The following WWOX variants were observed in gnomAD, a reference collection of about 807,000 sequenced individuals.
WWOX encodes the protein WW domain-containing oxidoreductase.
WWOX carries 69 observed loss-of-function variants against 46.2 expected under a neutral mutation model. That is an observed-to-expected ratio of 1.49 (90% CI 1.23 to 1.82). WWOX has a LOEUF of 1.82. Ranked by LOEUF, WWOX falls within the 40% of genes most tolerant of loss-of-function variation. The pLI, the probability that WWOX is intolerant of heterozygous loss-of-function variation, is 0.00. For synonymous variants in WWOX, 359 were observed against 202.6 expected (o/e 1.77, Z -6.56); for missense variants, 919 against 542.6 (o/e 1.69, Z -6.89).
chr16:79,106,066 G>A (rs2049302011), intron 8 of WWOX: 1 of 152,190 alleles, frequency 6.6e-6, no homozygotes, highest in Non-Finnish European at 1.5e-5. Context: ...TAAGTTCGAA[G>A]CCAAGTTCCT....
intron 8 of WWOX, among the ~76,000 whole-genome samples, chr16:78,472,625 A>G (rs985113802): frequency 6.6e-6 from 1 of 151,996 alleles, no homozygotes; most frequent in African/African-American, 2.4e-5. Flanking sequence ...CCTGACCAAC[A>G]TGTTGAAACC....
intron 8 of WWOX, among the ~76,000 whole-genome samples, chr16:78,778,979 C>T (rs1031348371): frequency 6.6e-6 from 1 of 152,194 alleles, no homozygotes; most frequent in Non-Finnish European, 1.5e-5. Flanking sequence ...AATGCTGCTT[C>T]TGATCTCCAT....
chr16:79,041,764 A>C (rs766871226), intron 8 of WWOX, among the ~76,000 whole-genome samples: 4 of 152,182 alleles, frequency 2.6e-5, no homozygotes, highest in Non-Finnish European at 2.9e-5. Flanking sequence ...TTAATGCTTT[A>C]CACTTTTGTT....
chr16:78,976,713 C>T lies in WWOX; in HGVS notation c.1057-234895C>T, dbSNP rs560056085. The stretch of plus-strand genomic sequence containing the variant: ...AAATGCCTGAGACCCACCAGGAGCT[C>T]ACCAGATACTACTTCTATCTTCCCC... On this transcript the variant is annotated intron_variant, in intron 8 of 8. Transcript: ENST00000566780. 2.0e-5 allele frequency among the ~76,000 whole-genome samples: 3 copies of T among 152,320 alleles called. No individual in the cohort carries two copies. In the South Asian group the frequency reaches 6.2e-4, roughly 32 times the overall value.
At chr16:78,159,884 A>G (rs964476051) in intron 4 of WWOX, among the ~76,000 whole-genome samples, 3 of 151,812 alleles carry the variant, frequency 2.0e-5, no homozygotes, top group South Asian at 4.2e-4. Context: ...TTATGCTTTT[A>G]TGTGGCATAA....
At chr16:78,471,587 T>A (rs969446593) in intron 8 of WWOX, among the ~76,000 whole-genome samples, 2 of 152,236 alleles carry the variant, frequency 1.3e-5, no homozygotes, top group African/African-American at 2.4e-5. Flanking sequence ...GTTGAATGTC[T>A]TGCCTTTTCT....
rs146540413 is a variant in WWOX at position 78,319,926 on chromosome 16, A to G, written c.517-66934A>G. ...TTCCTGGCGAAATAGTCATCTTTTA[A>G]GTTCTCTGACAACCCCTCTCTGAGC... is the stretch of plus-strand genomic sequence containing the variant. On this transcript the variant is annotated intron_variant, in intron 5 of 8. Transcript: ENST00000566780. Among the ~76,000 whole-genome samples the G allele has an allele frequency of 1.9e-3, 294 of 152,254 alleles. 4 individuals carry two copies. The highest frequency in any genetic ancestry group is 0.014 in the Admixed American group (207 of 15,292).
At chr16:78,670,333 C>A (rs1469269321) in intron 8 of WWOX, among the ~76,000 whole-genome samples, 4 of 152,292 alleles carry the variant, frequency 2.6e-5, no homozygotes, top group East Asian at 3.9e-4. Context: ...GAAGGAAACA[C>A]CTTTCCAAGC....
chr16:78,374,215 G>T (rs1334966494), intron 5 of WWOX, among the ~76,000 whole-genome samples: 2 of 151,910 alleles, frequency 1.3e-5, no homozygotes, highest in African/African-American at 4.8e-5. Flanking sequence ...GTCTTTCTCT[G>T]TTTTCCTCTC....
intron 8 of WWOX, among the ~76,000 whole-genome samples, chr16:78,477,094 G>A (rs2084369422): frequency 1.3e-5 from 2 of 152,134 alleles, no homozygotes; most frequent in Non-Finnish European, 1.5e-5. Flanking sequence ...AAGCATAAGA[G>A]CCCTTGAAAG....
intron 8 of WWOX, among the ~76,000 whole-genome samples, chr16:78,941,885 C>T (rs962458919): frequency 6.6e-6 from 1 of 151,980 alleles, no homozygotes; most frequent in African/African-American, 2.4e-5. Context: ...TTATTTAGGC[C>T]TTAATTTAAT....
chr16:78,355,518 C>A (rs933371040), intron 5 of WWOX: 2 of 378,252 alleles, frequency 5.3e-6, no homozygotes, highest in Non-Finnish European at 1.1e-5. Context: ...CGAAGAATTA[C>A]TTGATGAAAC....
At chr16:78,186,487 G>A (rs561994891) in intron 5 of WWOX, among the ~76,000 whole-genome samples, 1 of 152,240 alleles carries the variant, frequency 6.6e-6, no homozygotes, top group Non-Finnish European at 1.5e-5. Context: ...TTTTATGCCA[G>A]ATGCAGTGCC....
chr16:78,590,572 C>G (rs769888583), intron 8 of WWOX, among the ~76,000 whole-genome samples: 13 of 152,172 alleles, frequency 8.5e-5, no homozygotes, highest in Non-Finnish European at 1.8e-4. Flanking sequence ...CTTGTTAACA[C>G]TAGGTGTTGA....
At chr16:78,412,728 C>T (rs1318713669) in intron 6 of WWOX, among the ~76,000 whole-genome samples, 4 of 152,116 alleles carry the variant, frequency 2.6e-5, no homozygotes, top group South Asian at 2.1e-4. Context: ...AGAAGCCACT[C>T]CTCGCCAGGC....
At chr16:78,848,811 A>T (rs2052365656) in intron 8 of WWOX, among the ~76,000 whole-genome samples, 3 of 148,064 alleles carry the variant, frequency 2.0e-5, no homozygotes, top group African/African-American at 7.5e-5. Context: ...TTTTTTTTTA[A>T]CCTCCTCTGA....
At chr16:78,549,096 G>C (rs1328336360) in intron 8 of WWOX, among the ~76,000 whole-genome samples, 4 of 152,124 alleles carry the variant, frequency 2.6e-5, no homozygotes, top group Admixed American at 2.6e-4. Context: ...ATAAATCTCA[G>C]CTCTCTAGAG....
intron 8 of WWOX, among the ~76,000 whole-genome samples, chr16:78,880,568 A>G (rs2044322260): frequency 6.6e-6 from 1 of 152,256 alleles, no homozygotes; most frequent in Non-Finnish European, 1.5e-5. Flanking sequence ...CATCATTTTG[A>G]AGGTAGATAG....
intron 8 of WWOX, among the ~76,000 whole-genome samples, chr16:78,837,420 C>T (rs2052019883): frequency 1.3e-5 from 2 of 152,264 alleles, no homozygotes; most frequent in East Asian, 1.9e-4. Flanking sequence ...CAATTCACGG[C>T]AGTGGTTGAA....
Sources: gnomAD v4.1 joint callset for allele counts (sites outside exome capture counted in the v4.1 genomes callset) on GRCh38, gnomAD v4.1.1 for gene constraint, MANE v1.5 for transcripts, NCBI Gene and HGNC (gene_info 2026-07-23, HGNC 2026-07-21) for gene names.